Variants in EFEMP1 observed in about 807,000 individuals in gnomAD.
EFEMP1 encodes the protein EGF-like fibulin extracellular matrix protein 1.
Under a neutral mutation model 65.7 loss-of-function variants are expected in EFEMP1, and 18 were observed. The observed-to-expected ratio is 0.27, with a 90% CI of 0.19 to 0.41. EFEMP1 has a LOEUF of 0.41. EFEMP1 is among the 10% of genes least tolerant of loss of function. EFEMP1 has a pLI of 1.00. For synonymous variants in EFEMP1, 237 were observed against 219.7 expected (o/e 1.08, Z -0.70); for missense variants, 469 against 624.8 (o/e 0.75, Z 2.66).
In EFEMP1 at chr2:55,923,662, C is replaced by T. The variant is rs538886722; in HGVS notation, c.-49+49G>A. The T allele has an allele frequency of 1.0e-6, 1 of 985,642 alleles. No individual in the cohort carries two copies. The highest frequency in any genetic ancestry group is 1.7e-5 in the African/African-American group (1 of 57,228). The allele number at this position is 985,642 out of a possible 1,614,324, so 61.1% of individuals were successfully genotyped here. On this transcript the variant is annotated intron_variant, in intron 1 of 11. Coordinates refer to ENST00000355426, the MANE Select transcript of EFEMP1 (RefSeq NM_001039348.3). The surrounding 1 kb of genome is among the most constrained non-coding windows in gnomAD (Gnocchi z 5.3). Reference sequence around the variant, plus strand: ...CCACCTCACTCTCCCGCGCGCGGCCCAGTGAGTACTGGGCTCGCTCGGGGC... The same window carrying T: ...CCACCTCACTCTCCCGCGCGCGGCCTAGTGAGTACTGGGCTCGCTCGGGGC...
Position 55,877,941 on chromosome 2 carries a change from CCT to C in EFEMP1, c.641-78_641-77del. Reference sequence around the variant, plus strand: ...TCTCTGAAAAGCATTATCTAGAAAACCTATGTAGAGAAAATCTCTTTTTAAAA... The same window carrying C: ...TCTCTGAAAAGCATTATCTAGAAAACATGTAGAGAAAATCTCTTTTTAAAA... On this transcript the variant is annotated intron_variant, in intron 6 of 11. Coordinates refer to ENST00000355426, the MANE Select transcript of EFEMP1 (RefSeq NM_001039348.3). The surrounding 1 kb of genome is among the most constrained non-coding windows in gnomAD (Gnocchi z 4.5). The C allele has an allele frequency of 6.4e-7, 1 of 1,556,072 alleles. No homozygotes were observed.
chr2:55,871,067 A>G lies in EFEMP1; in HGVS notation c.1057T>C (p.Tyr353His). The G allele has an allele frequency of 6.2e-7, 1 of 1,613,750 alleles. No individual in the cohort carries two copies. Among genetic ancestry groups the G allele is most frequent in the South Asian group, 1.1e-5 (1 of 91,080 alleles). The change falls in exon 10 of 12, where the codon TAT becomes CAT. Residue 353 changes from tyrosine (Y) to histidine (H), a missense_variant. Tyr to His is a moderately conservative substitution (Grantham distance 83). This residue lies in a region of EFEMP1 where 399 missense variants were observed against 528.2 expected (regional missense o/e 0.76). Coordinates refer to ENST00000355426, the MANE Select transcript of EFEMP1 (RefSeq NM_001039348.3). The surrounding 1 kb of genome is among the most constrained non-coding windows in gnomAD (Gnocchi z 4.2). ...ECREDEMCWN[Y>H]HGGFRCYPRN... is the part of the protein sequence containing the mutation. ...GGATAACAACGGAAGCCGCCATGATAATTCCAACACATTTCATCCTCCCGG... is the reference window on the plus strand; with the variant it reads ...GGATAACAACGGAAGCCGCCATGATGATTCCAACACATTTCATCCTCCCGG...
At chr2:55,889,038 C>T (rs1388921061) in intron 5 of EFEMP1, among the ~76,000 whole-genome samples, 1 of 152,196 alleles carries the variant, frequency 6.6e-6, no homozygotes, top group African/African-American at 2.4e-5. Flanking sequence ...GTCTACCAAG[C>T]CCTGCCTGAG....
chr2:55,899,612 C>G (rs1473958755), intron 5 of EFEMP1, among the ~76,000 whole-genome samples: 1 of 152,158 alleles, frequency 6.6e-6, no homozygotes, highest in East Asian at 1.9e-4. Flanking sequence ...AACCAGTGGT[C>G]TAGCAAGAAT....
rs1038482488 is a variant in EFEMP1, at chr2:55,873,767, C to T, written c.1000+1179G>A. ...TGGAGTCTAGTCGAAAAATTGTGTG[C>T]CTATTATAAAATCCCAGGTAATGGA... On this transcript the variant is annotated intron_variant, in intron 9 of 11. Coordinates refer to ENST00000355426, the MANE Select transcript of EFEMP1 (RefSeq NM_001039348.3). The surrounding 1 kb of genome is among the most constrained non-coding windows in gnomAD (Gnocchi z 4.6). Among the ~76,000 whole-genome samples, 2 of 151,842 alleles carry T rather than the reference C, an allele frequency of 1.3e-5. No homozygotes were observed. The highest frequency in any genetic ancestry group is 4.8e-5 in the African/African-American group (2 of 41,372).
rs542645495 is a variant in EFEMP1, at chr2:55,870,202, G to C, written c.1320+518C>G. Among the ~76,000 whole-genome samples the C allele has an allele frequency of 3.3e-5, 5 of 152,218 alleles. No homozygotes were observed. Among genetic ancestry groups the C allele is most frequent in the African/African-American group, 1.2e-4 (5 of 41,536 alleles). ...CACATACTTATAGGTTTTAGTTTCG[G>C]TGTGAACACAAACTGTCTTGTGAAT... is the stretch of plus-strand genomic sequence containing the variant. On this transcript the variant is annotated intron_variant, in intron 11 of 11. Transcript: ENST00000355426. This position sits in a 1 kb window ranked among gnomAD's most constrained non-coding sequence, Gnocchi z 5.8.
At position 55,870,576 on chromosome 2, in the gene EFEMP1, A is replaced by G. The variant is rs11682872; in HGVS notation, c.1320+144T>C. 0.098 allele frequency: 85,095 copies of G among 865,388 alleles called. 6,286 individuals carry two copies. The highest frequency in any genetic ancestry group is 0.33 in the African/African-American group (19,946 of 59,678). 53.6% of individuals were successfully genotyped at this position (865,388 alleles called of 1,614,324 possible). On this transcript the variant is annotated intron_variant, in intron 11 of 11. Coordinates refer to ENST00000355426, the MANE Select transcript of EFEMP1 (RefSeq NM_001039348.3). The surrounding 1 kb of genome is among the most constrained non-coding windows in gnomAD (Gnocchi z 5.8). ...GAATAAATGAAATAATGTAGCTGGA[A>G]GGCCTTACACAATGCCTACACATAA... is the stretch of plus-strand genomic sequence containing the variant.
In EFEMP1 at chr2:55,871,679, AAACT is replaced by A. The variant is rs781443090; in HGVS notation, c.1001-560_1001-557del. Among the ~76,000 whole-genome samples, 4 of 152,174 alleles carry A rather than the reference AAACT, an allele frequency of 2.6e-5. No homozygotes were observed. Among genetic ancestry groups the A allele is most frequent in the Admixed American group, 2.0e-4 (3 of 15,264 alleles). On this transcript the variant is annotated intron_variant, in intron 9 of 11. Coordinates refer to ENST00000355426, the MANE Select transcript of EFEMP1 (RefSeq NM_001039348.3). The surrounding 1 kb of genome is among the most constrained non-coding windows in gnomAD (Gnocchi z 4.2). Reference sequence around the variant, plus strand: ...TCCAAGCTGAGAAATCAGGAAGCATAAACTATGGAGGGCAGCTTATCATCTCTTT... The same window carrying A: ...TCCAAGCTGAGAAATCAGGAAGCATAATGGAGGGCAGCTTATCATCTCTTT...
chr2:55,908,317 C>T (rs951048654), intron 5 of EFEMP1, among the ~76,000 whole-genome samples: 1 of 152,110 alleles, frequency 6.6e-6, no homozygotes, highest in Admixed American at 6.5e-5. Flanking sequence ...AGAGAGCTCA[C>T]ATCAATGTTT....
chr2:55,884,186 T>C (rs1669344998), intron 5 of EFEMP1, among the ~76,000 whole-genome samples: 1 of 152,228 alleles, frequency 6.6e-6, no homozygotes, highest in Non-Finnish European at 1.5e-5. Context: ...ATAAACAGAC[T>C]GAATTTCTTT....
intron 6 of EFEMP1, among the ~76,000 whole-genome samples, chr2:55,878,499 A>T (rs1022995400): frequency 3.3e-5 from 5 of 152,156 alleles, no homozygotes; most frequent in Non-Finnish European, 7.4e-5. Flanking sequence ...AAAATGCTCA[A>T]CTAAGAACTT....
chr2:55,882,864 T>C (rs1488114694), intron 5 of EFEMP1, among the ~76,000 whole-genome samples: 1 of 152,016 alleles, frequency 6.6e-6, no homozygotes, highest in Non-Finnish European at 1.5e-5. Context: ...AGACTCATGG[T>C]AGTATGTTGG....
Position 55,867,562 on chromosome 2 carries a change from A to T in EFEMP1, c.1321-328T>A, listed in dbSNP as rs1220673863. Among the ~76,000 whole-genome samples the T allele has an allele frequency of 2.6e-5, 4 of 151,972 alleles. No individual in the cohort carries two copies. Among genetic ancestry groups the T allele is most frequent in the Admixed American group, 6.6e-5 (1 of 15,244 alleles). ...AGACTAGAGCTTAAGTGAGAATCTG[A>T]TAATTTCTAAACTTGTAAACAAAGT... On this transcript the variant is annotated intron_variant, in intron 11 of 11. Transcript: ENST00000355426. The surrounding 1 kb of genome is among the most constrained non-coding windows in gnomAD (Gnocchi z 4.3).
Position 55,867,169 on chromosome 2 carries a change from G to A in EFEMP1, c.1386C>T (p.Ile462=), listed in dbSNP as rs759287964. 39 of 1,613,876 alleles carry A rather than the reference G, an allele frequency of 2.4e-5. No individual in the cohort carries two copies. Among genetic ancestry groups the A allele is most frequent in the Non-Finnish European group, 3.2e-5 (38 of 1,179,946 alleles). ...TGACTGTCAGCATCTCCAGGTCCAC[G>A]ATATGTTCTCTTGGTCCTGATAATG... ...VKSLSGPREH[I]VDLEMLTVSS... is the part of the protein sequence containing the mutation. The change falls in exon 12 of 12, where the codon ATC becomes ATT. Residue 462 remains isoleucine, a synonymous_variant. Transcript: ENST00000355426. This position sits in a 1 kb window ranked among gnomAD's most constrained non-coding sequence, Gnocchi z 4.3.
At chr2:55,920,535 G>A (rs1041062364) in intron 3 of EFEMP1, among the ~76,000 whole-genome samples, 5 of 152,330 alleles carry the variant, frequency 3.3e-5, no homozygotes, top group South Asian at 2.1e-4. Flanking sequence ...ATGTGGATAC[G>A]AGCCCATTCT....
chr2:55,871,274 C>T lies in EFEMP1; in HGVS notation c.1001-151G>A. On this transcript the variant is annotated intron_variant, in intron 9 of 11. Coordinates refer to ENST00000355426, the MANE Select transcript of EFEMP1 (RefSeq NM_001039348.3). This position sits in a 1 kb window ranked among gnomAD's most constrained non-coding sequence, Gnocchi z 4.2. ...GCTTTTAGACACAAGACTGGGTGTT[C>T]ATTGTATTGAATTCAGGACAGACAG... The T allele has an allele frequency of 9.7e-7, 1 of 1,035,324 alleles. No individual in the cohort carries two copies. The allele number at this position is 1,035,324 out of a possible 1,614,324, so 64.1% of individuals were successfully genotyped here.
intron 5 of EFEMP1, among the ~76,000 whole-genome samples, chr2:55,888,254 T>C (rs1327370853): frequency 6.6e-6 from 1 of 152,180 alleles, no homozygotes; most frequent in Non-Finnish European, 1.5e-5. Context: ...TGTTAAATGA[T>C]TGTTAATTGT....
In EFEMP1 at chr2:55,877,795, G is replaced by A; in HGVS notation, c.711C>T (p.Cys237=). ...RCVNTPGSFY[C]QCSPGFQLAA... is the part of the protein sequence containing the mutation. Reference sequence around the variant, plus strand: ...CCAATTGAAACCCAGGACTGCACTGGCAATAAAATGAGCCTGGTGTATTCA... The same window carrying A: ...CCAATTGAAACCCAGGACTGCACTGACAATAAAATGAGCCTGGTGTATTCA... The change falls in exon 7 of 12, where the codon TGC becomes TGT. Residue 237 remains cysteine, a synonymous_variant. Transcript: ENST00000355426. The surrounding 1 kb of genome is among the most constrained non-coding windows in gnomAD (Gnocchi z 4.5). 6.2e-7 allele frequency: 1 copy of A among 1,613,180 alleles called. No individual in the cohort carries two copies. The highest frequency in any genetic ancestry group is 8.5e-7 in the Non-Finnish European group (1 of 1,179,354).
In EFEMP1 at chr2:55,877,046, T is replaced by C. The variant is rs1045869666; in HGVS notation, c.761-304A>G. ...TCTTTCCAAAGGAATTTAATGCTTC[T>C]AATAAATATACACTCCGGTATCGAT... On this transcript the variant is annotated intron_variant, in intron 7 of 11. Transcript: ENST00000355426. The surrounding 1 kb of genome is among the most constrained non-coding windows in gnomAD (Gnocchi z 4.5). Among the ~76,000 whole-genome samples the C allele has an allele frequency of 6.6e-6, 1 of 152,192 alleles. No individual in the cohort carries two copies. The highest frequency in any genetic ancestry group is 2.4e-5 in the African/African-American group (1 of 41,464).
Sources: gnomAD v4.1 joint callset for allele counts (sites outside exome capture counted in the v4.1 genomes callset) on GRCh38, gnomAD v4.1.1 for gene constraint, gnomAD v4.1.1 regional missense constraint, Gnocchi (gnomAD v3.1) non-coding constraint, MANE v1.5 for transcripts, NCBI Gene and HGNC (gene_info 2026-07-23, HGNC 2026-07-21) for gene names.